The following UGGT2 variants were observed in gnomAD, a reference collection of about 807,000 sequenced individuals.
UGGT2 encodes UDP-glucose glycoprotein glucosyltransferase 2.
Under a neutral mutation model 192.1 loss-of-function variants are expected in UGGT2, and 180 were observed. That is an observed-to-expected ratio of 0.94 (90% CI 0.83 to 1.06). The LOEUF is 1.06. Among genes scored for constraint, UGGT2 ranks in the 50% least tolerant of loss-of-function variants. The pLI is 0.00. For missense variants in UGGT2, 1,849 were observed against 1,795.7 expected (o/e 1.03, Z -0.54); for synonymous variants, 580 against 591.0 (o/e 0.98, Z 0.27).
chr13:95,840,982 T>C (rs1887797284), intron 36 of UGGT2, among the ~76,000 whole-genome samples: 2 of 152,028 alleles, frequency 1.3e-5, no homozygotes, highest in African/African-American at 4.8e-5. Context: ...TTCTCACTCA[T>C]AAGTGGGAGT....
intron 38 of UGGT2, among the ~76,000 whole-genome samples, chr13:95,826,040 T>C (rs1041695040): frequency 2.0e-5 from 3 of 152,032 alleles, no homozygotes; most frequent in Non-Finnish European, 4.4e-5. Context: ...TTAGGAAATA[T>C]ATTAATATAG....
chr13:95,997,993 C>A (rs746512430), intron 6 of UGGT2, among the ~76,000 whole-genome samples: 3 of 152,168 alleles, frequency 2.0e-5, no homozygotes, highest in Non-Finnish European at 4.4e-5. Flanking sequence ...AGATTTTCAA[C>A]ATCAGAAGTT....
chr13:95,989,116 T>C (rs1464541627), intron 8 of UGGT2, among the ~76,000 whole-genome samples: 4 of 152,064 alleles, frequency 2.6e-5, no homozygotes, highest in African/African-American at 9.7e-5. Context: ...TTTTCTAAAA[T>C]CAACTGTGTT....
chr13:95,986,146 G>A (rs1594512790), intron 9 of UGGT2, among the ~76,000 whole-genome samples, 187 bp downstream of exon 9: 1 of 62,676 alleles, frequency 1.6e-5, no homozygotes, highest in South Asian at 4.8e-4. Flanking sequence ...ATACACACAT[G>A]TATGCACAAG....
chr13:95,823,223 T>C (rs1052537750), intron 38 of UGGT2, among the ~76,000 whole-genome samples: 2 of 152,026 alleles, frequency 1.3e-5, no homozygotes, highest in African/African-American at 4.8e-5. Context: ...GAATGTTCCA[T>C]GTGCTAAGAA....
chr13:95,927,646 TTTGC>T (rs983278074), intron 17 of UGGT2, among the ~76,000 whole-genome samples: 9 of 151,968 alleles, frequency 5.9e-5, no homozygotes, highest in African/African-American at 2.2e-4. Flanking sequence ...TGTTTGTTTG[TTTGC>T]TTTTTTGTTG....
intron 7 of UGGT2, among the ~76,000 whole-genome samples, chr13:95,993,020 A>G (rs1464176077): frequency 6.6e-6 from 1 of 152,234 alleles, no homozygotes; most frequent in Non-Finnish European, 1.5e-5. Flanking sequence ...CAATCAACCC[A>G]GGTGCCATCA....
At chr13:95,859,552 C>A (rs772030374) in intron 33 of UGGT2, 39 bp downstream of exon 33, 1 of 1,440,376 alleles carries the variant, frequency 6.9e-7, no homozygotes, top group Non-Finnish European at 9.7e-7. Context: ...ATTTACTATT[C>A]AAACATTAAC....
At chr13:95,886,208 A>G (rs535942326) in intron 26 of UGGT2, among the ~76,000 whole-genome samples, 27 of 152,168 alleles carry the variant, frequency 1.8e-4, no homozygotes, top group Non-Finnish European at 2.9e-4. Flanking sequence ...TAAGAGTAAG[A>G]AGCTGAGGGG....
intron 27 of UGGT2, among the ~76,000 whole-genome samples, chr13:95,881,420 TGTAA>T (rs1360300979): frequency 6.6e-6 from 1 of 152,176 alleles, no homozygotes; most frequent in African/African-American, 2.4e-5. Flanking sequence ...TCCCAAATTT[TGTAA>T]GTGTTTGATG....
intron 24 of UGGT2, 128 bp from the exon 25 acceptor site, chr13:95,891,092 T>G (rs2047789063): frequency 1.6e-6 from 1 of 613,358 alleles, no homozygotes; most frequent in Non-Finnish European, 2.7e-6. Flanking sequence ...ACTGGTTATT[T>G]CACACAATGC....
intron 20 of UGGT2, among the ~76,000 whole-genome samples, chr13:95,907,594 T>C (rs1165991790): frequency 1.3e-5 from 2 of 152,140 alleles, no homozygotes; most frequent in African/African-American, 4.8e-5. Context: ...CCGCTGGTGA[T>C]ACCCAGGCAA....
intron 38 of UGGT2, among the ~76,000 whole-genome samples, chr13:95,806,610 GA>G (rs895062730): frequency 1.3e-5 from 2 of 151,346 alleles, no homozygotes; most frequent in African/African-American, 2.4e-5. Flanking sequence ...ATTTTAAAAA[GA>G]AAAAAAATTG....
rs182753382 is a variant in UGGT2 at position 96,024,986 on chromosome 13, C to G, written c.242-1227G>C. On this transcript the variant is annotated intron_variant, in intron 2 of 38. Coordinates refer to ENST00000376747, the MANE Select transcript of UGGT2 (RefSeq NM_020121.4). ...CCTCAGTTCCTCTCTTTACCACAAC[C>G]CATTCAGGGTACAGGTGTTATCTGG... 1.1e-3 allele frequency among the ~76,000 whole-genome samples: 163 copies of G among 152,280 alleles called. 1 individual carries two copies. Among genetic ancestry groups the G allele is most frequent in the Middle Eastern group, 3.4e-3 (1 of 294 alleles).
chr13:95,983,577 G>A (rs777400232), intron 10 of UGGT2: 6 of 610,716 alleles, frequency 9.8e-6, no homozygotes, highest in South Asian at 8.9e-5. Context: ...TACTACCTCG[G>A]AAGAAATTCT....
intron 5 of UGGT2, among the ~76,000 whole-genome samples, chr13:96,001,347 G>A (rs954021985): frequency 2.2e-4 from 33 of 151,692 alleles, no homozygotes; most frequent in African/African-American, 7.0e-4. Context: ...AGTACCTTGC[G>A]ACCCCCACTC....
chr13:95,885,455 A>AATAT (rs1401968297), intron 26 of UGGT2, among the ~76,000 whole-genome samples: 1 of 152,242 alleles, frequency 6.6e-6, no homozygotes, highest in Non-Finnish European at 1.5e-5. Context: ...AGGCATCTCC[A>AATAT]ATATGCTTCA....
chr13:95,940,181 G>T (rs926283600), intron 15 of UGGT2, 90 bp from the exon 16 acceptor site: 8 of 1,051,978 alleles, frequency 7.6e-6, no homozygotes, highest in African/African-American at 3.4e-5. Flanking sequence ...TTTTTATTTT[G>T]TAAGTTCAAA....
intron 38 of UGGT2, among the ~76,000 whole-genome samples, chr13:95,806,051 A>AC (rs1555331429): frequency 9.1e-4 from 138 of 151,374 alleles, no homozygotes; most frequent in Middle Eastern, 3.5e-3. Context: ...AAAAAAAAAA[A>AC]ACACACAGTG....
Sources: gnomAD v4.1 joint callset for allele counts (sites outside exome capture counted in the v4.1 genomes callset) on GRCh38, gnomAD v4.1.1 for gene constraint, MANE v1.5 for transcripts, NCBI Gene and HGNC (gene_info 2026-07-23, HGNC 2026-07-21) for gene names.